The following CNTLN variants were observed in gnomAD, a reference collection of about 807,000 sequenced individuals.
The protein encoded by CNTLN is centlein.
CNTLN carries 212 observed loss-of-function variants against 180.0 expected under a neutral mutation model. The observed-to-expected ratio is 1.18, with a 90% CI of 1.05 to 1.32. CNTLN has a LOEUF of 1.32. CNTLN is among the 40% of genes most tolerant of loss of function. The pLI, the probability that CNTLN is intolerant of heterozygous loss-of-function variation, is 0.00. For synonymous variants in CNTLN, 722 were observed against 563.1 expected, an observed-to-expected ratio of 1.28 and a Z score of -3.99; for missense variants, 2,095 against 1,610.9, an observed-to-expected ratio of 1.30 and a Z score of -5.14.
chr9:17,311,451 GT>G lies in CNTLN; in HGVS notation c.1341+2215del, dbSNP rs112794584. On this transcript the variant is annotated intron_variant, in intron 8 of 25. Coordinates refer to ENST00000380647, the MANE Select transcript of CNTLN (RefSeq NM_017738.4). ...ATCAAAATCCCAGGAGGGTTTTTCT[GT>G]TTTTTTTTTTTTTTTAAGGCAGAAG... Among the ~76,000 whole-genome samples the G allele has an allele frequency of 1.4e-3, 189 of 133,758 alleles. 3 individuals carry two copies. Among genetic ancestry groups the G allele is most frequent in the African/African-American group, 1.6e-3 (60 of 36,588 alleles). The allele number at this position is 133,758 out of a possible 152,430, so 87.8% of individuals were successfully genotyped here.
intron 8 of CNTLN, 62 bp downstream of exon 8, chr9:17,309,314 T>C (rs1818961959): frequency 7.8e-7 from 1 of 1,279,310 alleles, no homozygotes; most frequent in Non-Finnish European, 1.1e-6. Flanking sequence ...TCTCCTACAA[T>C]TGACTAAAAC....
chr9:17,289,900 A>G (rs1479235814), intron 6 of CNTLN, among the ~76,000 whole-genome samples: 3 of 138,616 alleles, frequency 2.2e-5, no homozygotes, highest in Non-Finnish European at 4.6e-5. Flanking sequence ...TATTCTAGGT[A>G]TACATTCTTC....
chr9:17,148,108 G>T (rs370260387), intron 2 of CNTLN, among the ~76,000 whole-genome samples: 8 of 152,146 alleles, frequency 5.3e-5, no homozygotes, highest in African/African-American at 1.9e-4. Context: ...TTGAACACTC[G>T]TGTACCCATC....
At chr9:17,154,684 G>A (rs1563829093) in intron 2 of CNTLN, among the ~76,000 whole-genome samples, 1 of 152,198 alleles carries the variant, frequency 6.6e-6, no homozygotes, top group African/African-American at 2.4e-5. Flanking sequence ...ACCAATCAGT[G>A]CTCTGTGTCT....
intron 6 of CNTLN, among the ~76,000 whole-genome samples, chr9:17,288,227 C>T (rs1260845072): frequency 8.2e-6 from 1 of 121,706 alleles, no homozygotes; most frequent in Non-Finnish European, 1.6e-5. Flanking sequence ...TCGTTGGTTT[C>T]AAAGAACATC....
chr9:17,185,105 G>T (rs1226456576), intron 2 of CNTLN, among the ~76,000 whole-genome samples: 1 of 152,090 alleles, frequency 6.6e-6, no homozygotes, highest in Non-Finnish European at 1.5e-5. Flanking sequence ...CATTATACTG[G>T]AAAATAGAAT....
intron 5 of CNTLN, among the ~76,000 whole-genome samples, chr9:17,248,206 C>A (rs180897988): frequency 9.9e-5 from 15 of 152,052 alleles, no homozygotes. Flanking sequence ...ATTGAGATAC[C>A]TTTATTTTAC....
chr9:17,488,843 G>A (rs187868602), intron 25 of CNTLN, among the ~76,000 whole-genome samples: 15 of 152,198 alleles, frequency 9.9e-5, no homozygotes, highest in Non-Finnish European at 1.8e-4. Context: ...TTATTGACTG[G>A]AGGTAAATTT....
At chr9:17,504,079 C>A (rs1438558006), downstream of CNTLN, among the ~76,000 whole-genome samples, 1 of 124,850 alleles carries the variant, frequency 8.0e-6, no homozygotes, top group Non-Finnish European at 1.7e-5. Flanking sequence ...TTAGGTGACA[C>A]AAATACTGCC....
intron 7 of CNTLN, chr9:17,300,870 T>C: frequency 1.9e-6 from 1 of 531,500 alleles, no homozygotes; most frequent in East Asian, 1.5e-4. Flanking sequence ...AAGGTAATAC[T>C]TTCTTCCAGT....
intron 2 of CNTLN, among the ~76,000 whole-genome samples, chr9:17,225,186 G>A (rs1824388294): frequency 4.0e-5 from 6 of 151,816 alleles, no homozygotes; most frequent in Admixed American, 4.0e-4. Context: ...TTGGTTCTAG[G>A]CAAGGATGGG....
intron 13 of CNTLN, among the ~76,000 whole-genome samples, chr9:17,384,170 A>G (rs1012999890): frequency 3.9e-5 from 6 of 152,088 alleles, no homozygotes; most frequent in African/African-American, 1.2e-4. Context: ...GCATGTTCAA[A>G]TTCCCCTGAT....
intron 15 of CNTLN, among the ~76,000 whole-genome samples, chr9:17,397,627 C>A (rs576729510): frequency 1.3e-5 from 2 of 152,286 alleles, no homozygotes; most frequent in South Asian, 4.2e-4. Flanking sequence ...CCTATCTCAT[C>A]CTGTGACTTA....
chr9:17,253,854 A>C lies in CNTLN; in HGVS notation c.849+17266A>C, dbSNP rs568246939. Among the ~76,000 whole-genome samples the C allele has an allele frequency of 2.0e-5, 3 of 150,704 alleles. No individual in the cohort carries two copies. The South Asian group carries it at 6.3e-4, about 32-fold the overall frequency. On this transcript the variant is annotated intron_variant, in intron 5 of 25. Coordinates refer to ENST00000380647, the MANE Select transcript of CNTLN (RefSeq NM_017738.4). Reference sequence around the variant, plus strand: ...AAAACTGGGCATTCTTGTCTAGTTTAAATTATTATAGGAAAGGTCCTTAAT... The same window carrying C: ...AAAACTGGGCATTCTTGTCTAGTTTCAATTATTATAGGAAAGGTCCTTAAT...
chr9:17,349,351 A>G (rs2133276806), intron 12 of CNTLN, among the ~76,000 whole-genome samples: 1 of 152,288 alleles, frequency 6.6e-6, no homozygotes, highest in East Asian at 1.9e-4. Flanking sequence ...TTAACTGTTT[A>G]AGTAATAAGA....
chr9:17,415,709 A>G (rs1431315753), intron 16 of CNTLN, 79 bp from the exon 17 acceptor site: 94 of 925,144 alleles, frequency 1.0e-4, no homozygotes, highest in Non-Finnish European at 1.5e-4. Flanking sequence ...TTTTTTAAGT[A>G]AAGAGATGTT....
At chr9:17,290,035 T>C (rs1369065360) in intron 6 of CNTLN, among the ~76,000 whole-genome samples, 1 of 152,198 alleles carries the variant, frequency 6.6e-6, no homozygotes, top group Non-Finnish European at 1.5e-5. Context: ...CATCCAGCTT[T>C]TTTCCGTTGC....
the CNTLN span, among the ~76,000 whole-genome samples, chr9:17,521,265 A>AAGAGAGAGGAG: frequency 3.6e-4 from 43 of 118,608 alleles, no homozygotes; most frequent in African/African-American, 1.3e-3. Context: ...AAGGGAGAAA[A>AAGAGAGAGGAG]AGAGAGAGAG....
At position 17,159,138 on chromosome 9, in the gene CNTLN, A is replaced by G. The variant is rs549295908; in HGVS notation, c.449+15762A>G. Among the ~76,000 whole-genome samples, 8 of 152,070 alleles carry G rather than the reference A, an allele frequency of 5.3e-5. No individual in the cohort carries two copies. In the East Asian group the frequency reaches 1.5e-3, roughly 29 times the overall value. ...TATTTGTGAGCTTCTCAGTTTTCCAATTTTGATTCTGATTTCCAATTTTGT... is the reference window on the plus strand; with the variant it reads ...TATTTGTGAGCTTCTCAGTTTTCCAGTTTTGATTCTGATTTCCAATTTTGT... On this transcript the variant is annotated intron_variant, in intron 2 of 25. Transcript: ENST00000380647.
Sources: allele counts gnomAD v4.1 joint callset (sites outside exome capture counted in the v4.1 genomes callset), GRCh38; gene constraint gnomAD v4.1.1; transcripts MANE v1.5; gene names NCBI Gene and HGNC (gene_info 2026-07-23, HGNC 2026-07-21).